Variants in RSBN1L observed in about 807,000 individuals in gnomAD.
RSBN1L encodes round spermatid basic protein 1 like.
Under a neutral mutation model 67.7 loss-of-function variants are expected in RSBN1L, and 30 were observed. The ratio of observed to expected loss-of-function variants is 0.44; its 90% CI spans 0.33 to 0.60. The LOEUF (loss-of-function observed/expected upper bound fraction) is 0.60, where lower values mean the gene tolerates loss of function less well. Among genes scored for constraint, RSBN1L ranks in the 20% least tolerant of loss-of-function variants. The probability of loss-of-function intolerance (pLI) is 0.02; values close to 1 mark genes in which losing one functional copy is unlikely to be tolerated. For missense variants in RSBN1L, 992 were observed against 1,031.7 expected (o/e 0.96, Z 0.53); for synonymous variants, 433 against 387.0 (o/e 1.12, Z -1.39).
rs1464563879 is a variant in RSBN1L, at chr7:77,702,503, A to T, written c.586+5448A>T. ...TTTTGTTCAGATCTTTGTGATCATG[A>T]GCAAGGTTAATGACTAATGGACTGC... On this transcript the variant is annotated intron_variant, in intron 1 of 7. Transcript: ENST00000334955. Among the ~76,000 whole-genome samples the T allele has an allele frequency of 5.3e-5, 8 of 151,948 alleles. No homozygotes were observed. In the East Asian group the frequency reaches 1.5e-3, roughly 29 times the overall value.
intron 1 of RSBN1L, among the ~76,000 whole-genome samples, chr7:77,715,476 T>C (rs1486462969): frequency 6.6e-6 from 1 of 152,024 alleles, no homozygotes; most frequent in East Asian, 1.9e-4. Flanking sequence ...GGGTAATTTT[T>C]TAAAAATTTT....
At position 77,749,746 on chromosome 7, in the gene RSBN1L, T is replaced by G; in HGVS notation, c.1026T>G (p.Thr342=). ...AGAATAACCTCAAAAGGTTGGACACTTTGGAATTTAAACAACTCATTCATA... is the reference window on the plus strand; with the variant it reads ...AGAATAACCTCAAAAGGTTGGACACGTTGGAATTTAAACAACTCATTCATA... The part of the protein sequence containing the change: ...RVQNNLKRLD[T]LEFKQLIHIE... The change falls in exon 3 of 8, where the codon ACT becomes ACG. Residue 342 remains threonine (T), a synonymous_variant. Transcript: ENST00000334955. 1 of 1,614,168 alleles carries G rather than the reference T, an allele frequency of 6.2e-7. No homozygotes were observed.
At chr7:77,728,175 AC>A (rs1791231142) in intron 1 of RSBN1L, among the ~76,000 whole-genome samples, 1 of 152,094 alleles carries the variant, frequency 6.6e-6, no homozygotes, top group African/African-American at 2.4e-5. Context: ...TCCTTTGTTT[AC>A]TACTCCCTAG....
intron 1 of RSBN1L, among the ~76,000 whole-genome samples, chr7:77,721,855 A>G (rs142983835): frequency 6.6e-6 from 1 of 152,306 alleles, no homozygotes; most frequent in Non-Finnish European, 1.5e-5. Context: ...GTGACATGGT[A>G]AACTATACAT....
intron 1 of RSBN1L, among the ~76,000 whole-genome samples, chr7:77,725,264 T>TTTTTTTTTTTTTTTTTTTG (rs1479526886): frequency 7.0e-6 from 1 of 143,134 alleles, no homozygotes; most frequent in Non-Finnish European, 1.5e-5. Context: ...TTTTTTTTTT[T>TTTTTTTTTTTTTTTTTTTG]TGAGATGGAA....
chr7:77,751,300 TG>T (rs1327276912), intron 3 of RSBN1L, among the ~76,000 whole-genome samples: 1 of 151,984 alleles, frequency 6.6e-6, no homozygotes, highest in African/African-American at 2.4e-5. Flanking sequence ...CCACCATGCC[TG>T]GCTAATTTTT....
In RSBN1L at chr7:77,745,472, T is replaced by G. The variant is rs1791470042; in HGVS notation, c.704-3952T>G. The stretch of plus-strand genomic sequence containing the variant: ...TAAAGGTTATTTGTTTCACTCATAG[T>G]GTTGATTGACATATAGTATACAGGT... On this transcript the variant is annotated intron_variant, in intron 2 of 7. Coordinates refer to ENST00000334955, the MANE Select transcript of RSBN1L (RefSeq NM_198467.3). Among the ~76,000 whole-genome samples the G allele has an allele frequency of 2.6e-5, 4 of 152,228 alleles. No individual in the cohort carries two copies. In the South Asian group the frequency reaches 8.3e-4, roughly 31 times the overall value.
intron 2 of RSBN1L, among the ~76,000 whole-genome samples, chr7:77,745,496 G>A (rs568152601): frequency 5.3e-5 from 8 of 152,276 alleles, no homozygotes; most frequent in Non-Finnish European, 1.2e-4. Flanking sequence ...TAGTATACAG[G>A]TATCCTATGA....
chr7:77,725,875 C>T (rs143136774), intron 1 of RSBN1L, among the ~76,000 whole-genome samples: 22 of 152,220 alleles, frequency 1.4e-4, no homozygotes, highest in East Asian at 1.9e-4. Context: ...AGAGCCACTG[C>T]GCCTGGCTAA....
At chr7:77,776,688 T>G (rs538386759) in intron 6 of RSBN1L, among the ~76,000 whole-genome samples, 1 of 152,126 alleles carries the variant, frequency 6.6e-6, no homozygotes, top group Non-Finnish European at 1.5e-5. Flanking sequence ...CTTGGTAATA[T>G]TCCTTGTCCT....
In RSBN1L at chr7:77,732,534, G is replaced by A. The variant is rs554015266; in HGVS notation, c.587-3876G>A. Among the ~76,000 whole-genome samples, 14 of 152,208 alleles carry A rather than the reference G, an allele frequency of 9.2e-5. No homozygotes were observed. The East Asian group carries it at 1.4e-3, about 15-fold the overall frequency. ...TTTTTAGTAGAGATGGGGTTTCACTGTGTTGGCCAGGTTGGTCTCGAACTC... is the reference window on the plus strand; with the variant it reads ...TTTTTAGTAGAGATGGGGTTTCACTATGTTGGCCAGGTTGGTCTCGAACTC... On this transcript the variant is annotated intron_variant, in intron 1 of 7. Coordinates refer to ENST00000334955, the MANE Select transcript of RSBN1L (RefSeq NM_198467.3).
At chr7:77,767,345 T>G (rs1302291242) in intron 4 of RSBN1L, among the ~76,000 whole-genome samples, 1 of 151,760 alleles carries the variant, frequency 6.6e-6, no homozygotes, top group Non-Finnish European at 1.5e-5. Flanking sequence ...GCCCTCAGTT[T>G]CCTTCTTCCC....
intron 3 of RSBN1L, among the ~76,000 whole-genome samples, chr7:77,754,549 A>G (rs1221550013): frequency 6.6e-6 from 1 of 152,196 alleles, no homozygotes; most frequent in Non-Finnish European, 1.5e-5. Context: ...CTTTTTGAGA[A>G]CATGGAAGTT....
chr7:77,745,411 A>G (rs892335950), intron 2 of RSBN1L, among the ~76,000 whole-genome samples: 1 of 152,230 alleles, frequency 6.6e-6, no homozygotes, highest in African/African-American at 2.4e-5. Flanking sequence ...GGATATAATG[A>G]TGGAAAAGGA....
At chr7:77,769,847 T>C (rs903667700) in intron 5 of RSBN1L, among the ~76,000 whole-genome samples, 4 of 152,208 alleles carry the variant, frequency 2.6e-5, no homozygotes, top group Non-Finnish European at 4.4e-5. Context: ...AAGAAACAAT[T>C]TTTTATATAT....
chr7:77,721,501 A>G (rs758619896), intron 1 of RSBN1L, among the ~76,000 whole-genome samples: 2 of 152,198 alleles, frequency 1.3e-5, no homozygotes. Flanking sequence ...GGAGGAGGAT[A>G]TGATCATTTG....
rs1156445468 is a variant in RSBN1L at position 77,749,585 on chromosome 7, G to A, written c.865G>A (p.Asp289Asn). Reference protein sequence around the residue: ...ICSGLLTDVEDQAAKGILNDN... With the variant: ...ICSGLLTDVENQAAKGILNDN... ...CTCAGGATTGCTAACTGATGTTGAA[G>A]ATCAAGCAGCCAAAGGCATCCTAAA... Residue 289 changes from aspartate (D) to asparagine (N), a missense_variant, in exon 3 of 8, where the codon GAT becomes AAT. Coordinates refer to ENST00000334955, the MANE Select transcript of RSBN1L (RefSeq NM_198467.3). 2 of 1,613,954 alleles carry A rather than the reference G, an allele frequency of 1.2e-6. No homozygotes were observed. The highest frequency in any genetic ancestry group is 4.5e-5 in the East Asian group (2 of 44,880).
chr7:77,727,404 T>TC (rs1219689427), intron 1 of RSBN1L, among the ~76,000 whole-genome samples: 1 of 152,230 alleles, frequency 6.6e-6, no homozygotes, highest in East Asian at 1.9e-4. Context: ...TGCTTTTAAT[T>TC]CCAAGTTTCT....
At chr7:77,749,305 A>C (rs932415167) in intron 2 of RSBN1L, 119 bp from the exon 3 acceptor site, 2 of 754,336 alleles carry the variant, frequency 2.7e-6, no homozygotes, top group Non-Finnish European at 2.1e-6. Context: ...ATGAGTCCTA[A>C]ATATATAATT....
Sources: gnomAD v4.1 joint callset for allele counts (sites outside exome capture counted in the v4.1 genomes callset) on GRCh38, gnomAD v4.1.1 for gene constraint, MANE v1.5 for transcripts, NCBI Gene and HGNC (gene_info 2026-07-23, HGNC 2026-07-21) for gene names.